TCP11L2: variants seen among roughly 807,000 people sequenced by gnomAD.
The protein encoded by TCP11L2 is T-complex protein 11-like protein 2.
In TCP11L2, 39 loss-of-function variants were observed where a neutral mutation model predicts 50.7. That is an observed-to-expected ratio of 0.77 (90% CI 0.60 to 1.01). The LOEUF (loss-of-function observed/expected upper bound fraction) is 1.01, where lower values mean the gene tolerates loss of function less well. TCP11L2 is among the 50% of genes least tolerant of loss of function. TCP11L2 has a pLI of 0.00. For missense variants in TCP11L2, 612 were observed against 614.7 expected, an observed-to-expected ratio of 1.00 and a Z score of 0.05; for synonymous variants, 192 against 219.3, an observed-to-expected ratio of 0.88 and a Z score of 1.10.
At chr12:106,304,594 C>T (rs892190796) in intron 1 of TCP11L2, among the ~76,000 whole-genome samples, 4 of 152,206 alleles carry the variant, frequency 2.6e-5, no homozygotes, top group African/African-American at 7.2e-5. Flanking sequence ...TCCTCTGACT[C>T]CCTTCCCTTT....
intron 1 of TCP11L2, among the ~76,000 whole-genome samples, chr12:106,309,718 TAC>T (rs896697770): frequency 2.0e-5 from 3 of 151,552 alleles, no homozygotes; most frequent in African/African-American, 7.3e-5. Flanking sequence ...TAGCATTCAG[TAC>T]ACAGTTTTAG....
chr12:106,328,281 T>C (rs905737274), intron 6 of TCP11L2, among the ~76,000 whole-genome samples: 2 of 152,192 alleles, frequency 1.3e-5, no homozygotes, highest in African/African-American at 2.4e-5. Flanking sequence ...CGCCATGGCT[T>C]ACGCCTGTAA....
intron 6 of TCP11L2, 114 bp from the exon 7 acceptor site, chr12:106,335,525 A>G: frequency 9.5e-7 from 1 of 1,055,402 alleles, no homozygotes; most frequent in Non-Finnish European, 1.4e-6. Context: ...CTTGCAGGGC[A>G]TGGCTGTGTC....
chr12:106,314,159 T>C (rs1565841180), intron 2 of TCP11L2, among the ~76,000 whole-genome samples, 199 bp from the exon 3 acceptor site: 1 of 152,244 alleles, frequency 6.6e-6, no homozygotes, highest in Non-Finnish European at 1.5e-5. Context: ...ATATGGTAAC[T>C]GAAGCTATTG....
rs531730265 is a variant in TCP11L2, at chr12:106,345,331, G to A, written c.1316-955G>A. Among the ~76,000 whole-genome samples, 588 of 152,236 alleles carry A rather than the reference G, an allele frequency of 3.9e-3. 6 individuals carry two copies. The highest frequency in any genetic ancestry group is 0.016 in the East Asian group (84 of 5,178). ...TATTGTTCAACCAGGGTACTTTTGA[G>A]AGTCTCTTTTTAAAATTATGCCAGG... On this transcript the variant is annotated intron_variant, in intron 9 of 9. Transcript: ENST00000299045.
chr12:106,329,470 C>T (rs1490935241), intron 6 of TCP11L2: 3 of 1,521,742 alleles, frequency 2.0e-6, no homozygotes, highest in African/African-American at 1.4e-5. Flanking sequence ...AACGCATGCT[C>T]CTTCTGCTTT....
intron 3 of TCP11L2, among the ~76,000 whole-genome samples, chr12:106,317,764 T>C (rs1442332644): frequency 6.6e-6 from 1 of 152,192 alleles, no homozygotes; most frequent in African/African-American, 2.4e-5. Context: ...GGAATGTGTA[T>C]TTTAACGTGC....
At chr12:106,317,643 T>C (rs1025821417) in intron 3 of TCP11L2, among the ~76,000 whole-genome samples, 4 of 152,234 alleles carry the variant, frequency 2.6e-5, no homozygotes, top group Middle Eastern at 3.2e-3. Flanking sequence ...ACTTATGGCC[T>C]CTGCTTAGGA....
intron 9 of TCP11L2, among the ~76,000 whole-genome samples, chr12:106,341,494 G>T (rs1410237639): frequency 6.6e-6 from 1 of 152,220 alleles, no homozygotes; most frequent in Non-Finnish European, 1.5e-5. Context: ...TGGGAAAATG[G>T]ATAATGTATC....
intron 9 of TCP11L2, among the ~76,000 whole-genome samples, chr12:106,345,084 T>C (rs2036191429): frequency 6.6e-6 from 1 of 152,198 alleles, no homozygotes; most frequent in South Asian, 2.1e-4. Flanking sequence ...CACTGAAGCC[T>C]CATGAGCTCA....
upstream of TCP11L2, among the ~76,000 whole-genome samples, chr12:106,299,086 G>A (rs187051776): frequency 1.1e-3 from 161 of 152,254 alleles, 4 homozygotes; most frequent in East Asian, 0.018. Flanking sequence ...AAAGTGCTGA[G>A]ATTACAGGCC....
chr12:106,335,177 A>G (rs889378889), intron 6 of TCP11L2, among the ~76,000 whole-genome samples: 1 of 152,198 alleles, frequency 6.6e-6, no homozygotes, highest in African/African-American at 2.4e-5. Flanking sequence ...GATTGTATAA[A>G]TCTTTCACCT....
At chr12:106,327,941 A>G (rs952128774) in intron 6 of TCP11L2, among the ~76,000 whole-genome samples, 1 of 152,248 alleles carries the variant, frequency 6.6e-6, no homozygotes, top group Non-Finnish European at 1.5e-5. Context: ...TCCAACATGT[A>G]AATTATCTGT....
At chr12:106,313,756 GTAATT>G (rs1332365630) in intron 2 of TCP11L2, among the ~76,000 whole-genome samples, 1 of 142,010 alleles carries the variant, frequency 7.0e-6, no homozygotes, top group African/African-American at 2.7e-5. Flanking sequence ...TAAAAATGAG[GTAATT>G]TAATTTTTTT....
At chr12:106,329,426 C>T (rs768093005) in intron 6 of TCP11L2, 213 of 1,535,264 alleles carry the variant, frequency 1.4e-4, no homozygotes, top group Non-Finnish European at 1.7e-4. Context: ...AAGTCTCTGC[C>T]GATCCCTAAG....
upstream of TCP11L2, among the ~76,000 whole-genome samples, chr12:106,299,024 C>T (rs1208399086): frequency 6.6e-6 from 1 of 152,128 alleles, no homozygotes; most frequent in Non-Finnish European, 1.5e-5. Flanking sequence ...CTATGTTGGT[C>T]AGGCTGGTCT....
In TCP11L2 at chr12:106,323,588, A is replaced by G; in HGVS notation, c.714A>G (p.Gln238=). The G allele has an allele frequency of 6.2e-7, 1 of 1,607,996 alleles. No individual in the cohort carries two copies. Among genetic ancestry groups the G allele is most frequent in the Non-Finnish European group, 8.5e-7 (1 of 1,177,260 alleles). Residue 238 remains glutamine, a synonymous_variant, in exon 6 of 10, where the codon CAA becomes CAG. Transcript: ENST00000299045. ...FTIMSLRPHL[Q]RQLVEYERTK... is the part of the protein sequence containing the mutation. ...TTATGAGTCTCAGACCGCACCTTCA[A>G]CGCCAGTTGGTGGAATATGAGAGAA...
At chr12:106,329,043 C>A (rs1316208557) in intron 6 of TCP11L2, among the ~76,000 whole-genome samples, 1 of 151,524 alleles carries the variant, frequency 6.6e-6, no homozygotes, top group Non-Finnish European at 1.5e-5. Context: ...AGAAAGCCAG[C>A]ACCAAAAGAA....
chr12:106,334,634 G>A (rs1042863371), intron 6 of TCP11L2, among the ~76,000 whole-genome samples: 2 of 152,122 alleles, frequency 1.3e-5, no homozygotes, highest in African/African-American at 4.8e-5. Flanking sequence ...TGATCATACA[G>A]GTTCCATGTT....
Sources: gnomAD v4.1 joint callset for allele counts (sites outside exome capture counted in the v4.1 genomes callset) on GRCh38, gnomAD v4.1.1 for gene constraint, MANE v1.5 for transcripts, NCBI Gene and HGNC (gene_info 2026-07-23, HGNC 2026-07-21) for gene names.